The following TTC28 variants were observed in gnomAD, a reference collection of about 807,000 sequenced individuals.
The protein encoded by TTC28 is tetratricopeptide repeat domain 28, also known as tetratricopeptide repeat protein 28.
A neutral mutation model predicts 198.0 loss-of-function variants in TTC28; 61 were observed. That is an observed-to-expected ratio of 0.31 (90% CI 0.25 to 0.38). The LOEUF (loss-of-function observed/expected upper bound fraction) is 0.38, where lower values mean the gene tolerates loss of function less well. Ranked by LOEUF, TTC28 falls within the 10% of genes least tolerant of loss-of-function variation. The probability of loss-of-function intolerance (pLI) is 1.00; values close to 1 mark genes in which losing one functional copy is unlikely to be tolerated. For missense variants in TTC28, 2,678 were observed against 3,164.0 expected (o/e 0.85, Z 3.69); for synonymous variants, 1,171 against 1,297.8 (o/e 0.90, Z 2.10).
At chr22:28,447,101 T>C (rs2146244465) in intron 2 of TTC28, among the ~76,000 whole-genome samples, 1 of 152,304 alleles carries the variant, frequency 6.6e-6, no homozygotes, top group East Asian at 1.9e-4. Context: ...TATAAACCAC[T>C]GTCTGGGTGA....
At chr22:28,562,624 T>C (rs2049903989) in intron 2 of TTC28, among the ~76,000 whole-genome samples, 1 of 151,690 alleles carries the variant, frequency 6.6e-6, no homozygotes, top group African/African-American at 2.4e-5. Context: ...AGGGAGTAGC[T>C]GAAAAAAAAA....
At chr22:28,518,455 A>G (rs980512054) in intron 2 of TTC28, among the ~76,000 whole-genome samples, 6 of 152,138 alleles carry the variant, frequency 3.9e-5, no homozygotes, top group Non-Finnish European at 8.8e-5. Context: ...ATCTCTATGA[A>G]AAATACAAAA....
At chr22:28,367,199 G>C (rs1024806608) in intron 2 of TTC28, among the ~76,000 whole-genome samples, 2 of 151,798 alleles carry the variant, frequency 1.3e-5, no homozygotes, top group African/African-American at 4.8e-5. Context: ...CAAAAAAGAA[G>C]TCTTAAAAAT....
At chr22:28,192,853 T>C (rs1042982884) in intron 5 of TTC28, among the ~76,000 whole-genome samples, 1 of 152,142 alleles carries the variant, frequency 6.6e-6, no homozygotes, top group Non-Finnish European at 1.5e-5. Context: ...TGCAAACAAG[T>C]TGGAAACCAC....
chr22:28,636,699 C>T (rs574101859), intron 1 of TTC28, among the ~76,000 whole-genome samples: 21 of 152,012 alleles, frequency 1.4e-4, no homozygotes, highest in South Asian at 4.1e-4. Flanking sequence ...TCAGGTATTT[C>T]GCTCATTTTA....
At chr22:28,671,614 G>A (rs1196625411) in intron 1 of TTC28, among the ~76,000 whole-genome samples, 14 of 131,822 alleles carry the variant, frequency 1.1e-4, no homozygotes, top group African/African-American at 3.5e-4. Flanking sequence ...CAGCCTGGGC[G>A]ACAGAACAAG....
rs576276410 is a variant in TTC28, at chr22:28,212,035, A to G, written c.934-48436T>C. Among the ~76,000 whole-genome samples, 5 of 152,270 alleles carry G rather than the reference A, an allele frequency of 3.3e-5. No homozygotes were observed. In the South Asian group the frequency reaches 8.3e-4, roughly 25 times the overall value. On this transcript the variant is annotated intron_variant, in intron 5 of 22. Transcript: ENST00000397906. The stretch of plus-strand genomic sequence containing the variant: ...GTGCTCCTCAATGACTACTGGGTAC[A>G]TAACGAAATGAAGGCAGAAATAAAG...
At chr22:28,362,778 C>T (rs2046178606) in intron 2 of TTC28, among the ~76,000 whole-genome samples, 1 of 152,074 alleles carries the variant, frequency 6.6e-6, no homozygotes, top group Non-Finnish European at 1.5e-5. Flanking sequence ...CAGCATTTTG[C>T]CCCTGCCCTA....
intron 2 of TTC28, among the ~76,000 whole-genome samples, chr22:28,574,336 G>A (rs1056799779): frequency 6.6e-6 from 1 of 151,828 alleles, no homozygotes; most frequent in African/African-American, 2.4e-5. Context: ...TTTTGTGGCC[G>A]AATAGTACTC....
chr22:28,175,763 C>G (rs1041454447), intron 5 of TTC28, among the ~76,000 whole-genome samples: 4 of 151,798 alleles, frequency 2.6e-5, no homozygotes, highest in Non-Finnish European at 4.4e-5. Context: ...GGCAAAAGAC[C>G]TTAATACACA....
At chr22:28,422,137 C>T (rs1226965563) in intron 2 of TTC28, among the ~76,000 whole-genome samples, 2 of 151,990 alleles carry the variant, frequency 1.3e-5, no homozygotes, top group Non-Finnish European at 2.9e-5. Context: ...CAGCAGAGCA[C>T]AAAATGTTAT....
At chr22:28,295,331 T>G (rs904807068) in intron 5 of TTC28, among the ~76,000 whole-genome samples, 2 of 152,182 alleles carry the variant, frequency 1.3e-5, no homozygotes, top group Non-Finnish European at 2.9e-5. Flanking sequence ...TTTATAAACT[T>G]TTTGTTGCCT....
At chr22:28,455,624 G>C (rs1487522672) in intron 2 of TTC28, among the ~76,000 whole-genome samples, 1 of 151,354 alleles carries the variant, frequency 6.6e-6, no homozygotes, top group Non-Finnish European at 1.5e-5. Context: ...TGAGGCAGGA[G>C]AATCACTTGA....
intron 2 of TTC28, among the ~76,000 whole-genome samples, chr22:28,482,045 T>A (rs564352711): frequency 5.9e-5 from 9 of 152,276 alleles, no homozygotes; most frequent in Non-Finnish European, 1.2e-4. Context: ...CTGTCCCTCA[T>A]ATTACATCAG....
chr22:28,438,984 G>C (rs1374131973), intron 2 of TTC28, among the ~76,000 whole-genome samples: 1 of 151,992 alleles, frequency 6.6e-6, no homozygotes, highest in Admixed American at 6.5e-5. Context: ...AGAAATGAGT[G>C]ACAAAATATT....
At chr22:28,350,292 A>C (rs2145929382) in intron 2 of TTC28, among the ~76,000 whole-genome samples, 1 of 152,316 alleles carries the variant, frequency 6.6e-6, no homozygotes, top group Admixed American at 6.5e-5. Flanking sequence ...AATTTTAGGG[A>C]CAGACTGTAT....
At chr22:28,267,154 C>A (rs1452602769) in intron 5 of TTC28, among the ~76,000 whole-genome samples, 1 of 152,156 alleles carries the variant, frequency 6.6e-6, no homozygotes, top group Non-Finnish European at 1.5e-5. Flanking sequence ...TATTGTACTA[C>A]ACACTGGGCC....
At chr22:28,231,279 T>A (rs1480909325) in intron 5 of TTC28, among the ~76,000 whole-genome samples, 2 of 152,228 alleles carry the variant, frequency 1.3e-5, no homozygotes, top group Non-Finnish European at 2.9e-5. Flanking sequence ...AATGCTTTAA[T>A]ACATGGACTG....
chr22:28,159,048 C>T (rs1029124958), intron 6 of TTC28, among the ~76,000 whole-genome samples: 42 of 152,098 alleles, frequency 2.8e-4, no homozygotes, highest in Middle Eastern at 3.2e-3. Flanking sequence ...ATATATAAGG[C>T]ACTCAAACAA....
Sources: allele counts gnomAD v4.1 joint callset (sites outside exome capture counted in the v4.1 genomes callset), GRCh38; gene constraint gnomAD v4.1.1; transcripts MANE v1.5; gene names NCBI Gene and HGNC (gene_info 2026-07-23, HGNC 2026-07-21).